MAP3K5: variants seen among roughly 807,000 people sequenced by gnomAD.
MAP3K5 encodes ASK-1.
MAP3K5 carries 56 observed loss-of-function variants against 158.7 expected under a neutral mutation model. That is an observed-to-expected ratio of 0.35 (90% confidence interval 0.28 to 0.44). The LOEUF is 0.44. Among genes scored for constraint, MAP3K5 ranks in the 20% least tolerant of loss-of-function variants. The pLI, the probability that MAP3K5 is intolerant of heterozygous loss-of-function variation, is 1.00. For synonymous variants in MAP3K5, 579 were observed against 601.7 expected, an observed-to-expected ratio of 0.96 and a Z score of 0.55; for missense variants, 1,294 against 1,674.8, an observed-to-expected ratio of 0.77 and a Z score of 3.97.
intron 9 of MAP3K5, among the ~76,000 whole-genome samples, chr6:136,659,001 C>A (rs1178151342): frequency 6.6e-6 from 1 of 152,194 alleles, no homozygotes; most frequent in Non-Finnish European, 1.5e-5. Flanking sequence ...GGTCAATGTG[C>A]AGGAGAGGCT....
intron 1 of MAP3K5, among the ~76,000 whole-genome samples, chr6:136,750,326 C>T (rs752291844): frequency 1.3e-5 from 2 of 152,206 alleles, no homozygotes; most frequent in East Asian, 3.9e-4. Context: ...GATCTGCCTG[C>T]CTCGGCCTCC....
chr6:136,759,344 A>G (rs1252892502), intron 1 of MAP3K5, among the ~76,000 whole-genome samples: 1 of 151,412 alleles, frequency 6.6e-6, no homozygotes, highest in Non-Finnish European at 1.5e-5. Context: ...TCCTATAAAG[A>G]TAAAAAGGCA....
rs1776434412 is a variant in MAP3K5, at chr6:136,613,586, G to T, written c.2279-330C>A. Among the ~76,000 whole-genome samples, 1 of 151,922 alleles carries T rather than the reference G, an allele frequency of 6.6e-6. No homozygotes were observed. Among genetic ancestry groups the T allele is most frequent in the African/African-American group, 2.4e-5 (1 of 41,346 alleles). On this transcript the variant is annotated intron_variant, in intron 16 of 29. Transcript: ENST00000359015. This position sits in a 1 kb window ranked among gnomAD's most constrained non-coding sequence, Gnocchi z 4.0. ...AAGCTTCTAGAACTTTAAATTATTTGAGCCTTATTATTTAAGGAATGTGAC... is the reference window on the plus strand; with the variant it reads ...AAGCTTCTAGAACTTTAAATTATTTTAGCCTTATTATTTAAGGAATGTGAC...
chr6:136,592,881 G>T, intron 21 of MAP3K5: 1 of 532,456 alleles, frequency 1.9e-6, no homozygotes, highest in South Asian at 1.5e-5. Flanking sequence ...CCCAAGTTCA[G>T]TGGGTCTACT....
intron 1 of MAP3K5, among the ~76,000 whole-genome samples, chr6:136,746,642 G>A (rs867683424): frequency 1.3e-5 from 2 of 152,058 alleles, no homozygotes; most frequent in African/African-American, 2.4e-5. Context: ...TATAATCATG[G>A]TTTAACAGGG....
At position 136,649,006 on chromosome 6, in the gene MAP3K5, G is replaced by T. The variant is rs142463205; in HGVS notation, c.1788+1978C>A. Among the ~76,000 whole-genome samples the T allele has an allele frequency of 4.1e-3, 631 of 152,316 alleles. 6 individuals are homozygous for T. The highest frequency in any genetic ancestry group is 0.015 in the African/African-American group (606 of 41,564). Reference sequence around the variant, plus strand: ...ATTTTTTGAGATAGAGTCTTGCTCTGTCGCCCAGGCTGGAGTGCAGTGGCA... The same window carrying T: ...ATTTTTTGAGATAGAGTCTTGCTCTTTCGCCCAGGCTGGAGTGCAGTGGCA... On this transcript the variant is annotated intron_variant, in intron 11 of 29. Transcript: ENST00000359015.
chr6:136,648,937 T>A (rs1411506139), intron 11 of MAP3K5, among the ~76,000 whole-genome samples: 4 of 152,190 alleles, frequency 2.6e-5, no homozygotes, highest in Non-Finnish European at 5.9e-5. Context: ...CCTCAGTAGG[T>A]CTGACATGCA....
chr6:136,583,377 A>G (rs1774973863), intron 24 of MAP3K5, among the ~76,000 whole-genome samples, 178 bp downstream of exon 24: 2 of 152,260 alleles, frequency 1.3e-5, no homozygotes. Context: ...ATGCAAACAC[A>G]CAAAACAACA....
In MAP3K5 at chr6:136,592,550, C is replaced by T; in HGVS notation, c.2943G>A (p.Glu981=). The T allele has an allele frequency of 2.5e-6, 4 of 1,614,044 alleles. No individual in the cohort carries two copies. The South Asian group carries it at 3.3e-5, about 13-fold the overall frequency. The change falls in exon 22 of 30, where the codon GAG becomes GAA. Residue 981 remains glutamate, a synonymous_variant. Transcript: ENST00000359015. ...CCGTGTCGGGTGAAACTGAGCCGTA[C>T]TCACTGCTGCTGCTGGTGTCCTCCA... ...VLVEDTSSSS[E]YGSVSPDTEL... is the part of the protein sequence containing the mutation.
intron 1 of MAP3K5, among the ~76,000 whole-genome samples, chr6:136,786,868 G>A (rs1477362365): frequency 7.0e-6 from 1 of 141,870 alleles, no homozygotes. Context: ...GCAGTAGCAC[G>A]ATTTCAGCTC....
intron 1 of MAP3K5, among the ~76,000 whole-genome samples, chr6:136,780,423 A>G (rs1292904282): frequency 1.3e-5 from 2 of 152,194 alleles, no homozygotes; most frequent in Non-Finnish European, 2.9e-5. Flanking sequence ...TATGTATACC[A>G]TATTTGCTCT....
intron 2 of MAP3K5, among the ~76,000 whole-genome samples, chr6:136,714,466 G>A (rs1045147845): frequency 6.6e-6 from 1 of 152,146 alleles, no homozygotes; most frequent in African/African-American, 2.4e-5. Flanking sequence ...ATGGGTCTAG[G>A]TATCACAGAA....
chr6:136,710,359 A>G (rs956250187), intron 2 of MAP3K5, among the ~76,000 whole-genome samples: 4 of 152,180 alleles, frequency 2.6e-5, no homozygotes, highest in African/African-American at 9.6e-5. Context: ...TTACCCCACT[A>G]CAACTCCATA....
At chr6:136,699,987 A>G (rs1336143237) in intron 3 of MAP3K5, among the ~76,000 whole-genome samples, 1 of 152,002 alleles carries the variant, frequency 6.6e-6, no homozygotes, top group Non-Finnish European at 1.5e-5. Context: ...CCAGCTACTC[A>G]GGAGGCTGAG....
At chr6:136,637,053 G>A (rs1356794988) in intron 14 of MAP3K5, 3 of 1,260,910 alleles carry the variant, frequency 2.4e-6, no homozygotes, top group African/African-American at 3.1e-5. Context: ...AGGACACCGT[G>A]GCCCATGCAT....
intron 15 of MAP3K5, among the ~76,000 whole-genome samples, chr6:136,618,971 A>AG (rs1173154999): frequency 6.6e-6 from 1 of 152,172 alleles, no homozygotes; most frequent in African/African-American, 2.4e-5. Context: ...CCTTGTAGGT[A>AG]GGGGTAGGCA....
At chr6:136,639,728 C>T in intron 12 of MAP3K5, 90 bp from the exon 13 acceptor site, 1 of 635,382 alleles carries the variant, frequency 1.6e-6, no homozygotes, top group South Asian at 2.0e-5. Context: ...AAATTCAATC[C>T]CATTTATATC....
At chr6:136,670,826 G>A (rs963015909) in intron 7 of MAP3K5, among the ~76,000 whole-genome samples, 1 of 152,112 alleles carries the variant, frequency 6.6e-6, no homozygotes, top group South Asian at 2.1e-4. Flanking sequence ...TGATAGTTAT[G>A]TACCTATGGA....
intron 1 of MAP3K5, among the ~76,000 whole-genome samples, chr6:136,732,653 C>T (rs1051000266): frequency 6.6e-6 from 1 of 152,166 alleles, no homozygotes; most frequent in African/African-American, 2.4e-5. Flanking sequence ...AGTAGCACCA[C>T]CTGAGCTTCT....
Sources: gnomAD v4.1 joint callset for allele counts (sites outside exome capture counted in the v4.1 genomes callset) on GRCh38, gnomAD v4.1.1 for gene constraint, Gnocchi (gnomAD v3.1) non-coding constraint, MANE v1.5 for transcripts, NCBI Gene and HGNC (gene_info 2026-07-23, HGNC 2026-07-21) for gene names.